Variants in EYA1 observed in about 807,000 individuals in gnomAD.
EYA1 encodes the protein EYA transcriptional coactivator and phosphatase 1.
In EYA1, 16 loss-of-function variants were observed where a neutral mutation model predicts 82.0. The ratio of observed to expected loss-of-function variants is 0.20; its 90% CI spans 0.13 to 0.30. The LOEUF is 0.30. Ranked by LOEUF, EYA1 falls within the 10% of genes least tolerant of loss-of-function variation. The probability of loss-of-function intolerance (pLI) is 1.00; values close to 1 mark genes in which losing one functional copy is unlikely to be tolerated. For synonymous variants in EYA1, 261 were observed against 264.4 expected, an observed-to-expected ratio of 0.99 and a Z score of 0.12; for missense variants, 633 against 730.7, an observed-to-expected ratio of 0.87 and a Z score of 1.54.
chr8:71,520,370 A>G (rs1813304794), intron 2 of EYA1, among the ~76,000 whole-genome samples: 1 of 152,298 alleles, frequency 6.6e-6, no homozygotes, highest in African/African-American at 2.4e-5. Flanking sequence ...ACTAACAAAC[A>G]GGGCCCCTCA....
At chr8:71,542,066 CCTTTA>C (rs1815181954) in intron 1 of EYA1, among the ~76,000 whole-genome samples, 2 of 152,212 alleles carry the variant, frequency 1.3e-5, no homozygotes, top group East Asian at 3.9e-4. Flanking sequence ...AATATCTACT[CCTTTA>C]CTTTTTTAAA....
intron 2 of EYA1, among the ~76,000 whole-genome samples, chr8:71,464,461 G>C (rs1808631787): frequency 6.6e-6 from 1 of 152,134 alleles, no homozygotes; most frequent in African/African-American, 2.4e-5. Flanking sequence ...TTCCCCATCT[G>C]TGCCACTTAC....
chr8:71,425,262 TG>T (rs1416797938), intron 2 of EYA1, among the ~76,000 whole-genome samples: 3 of 150,852 alleles, frequency 2.0e-5, no homozygotes, highest in Non-Finnish European at 2.9e-5. Context: ...CACTCCAGCC[TG>T]GGTGACAGAG....
rs768783796 is a variant in EYA1 at position 71,354,868 on chromosome 8, A to T, written c.38T>A (p.Leu13Gln). The change falls in exon 3 of 18, where the codon CTG becomes CAG. Residue 13 changes from leucine (L) to glutamine (Q), a missense_variant. Physicochemically the swap from Leu to Gln is moderately radical, Grantham distance 113. Transcript: ENST00000340726. ...ACTGGGGGATTCACTACTACCACTC[A>T]GACGGCTATGCGGGCTGGTTAGATC... ...MQDLTSPHSR[L>Q]SGSSESPSGP... The T allele has an allele frequency of 1.2e-6, 2 of 1,613,748 alleles. No individual in the cohort carries two copies. Among genetic ancestry groups the T allele is most frequent in the South Asian group, 1.1e-5 (1 of 91,086 alleles).
In EYA1 at chr8:71,429,469, G is replaced by C. The variant is rs560733933; in HGVS notation, c.34-72958C>G. 6.6e-5 allele frequency among the ~76,000 whole-genome samples: 10 copies of C among 152,116 alleles called. No individual in the cohort carries two copies. The East Asian group carries it at 1.7e-3, about 26-fold the overall frequency. ...CAAATTATAATAATATACTACATTG[G>C]TAGGCACCTTGATAATAAGAGAAAT... On this transcript the variant is annotated intron_variant, in intron 2 of 18. Coordinates refer to the EYA1 transcript ENST00000643681.
intron 1 of EYA1, among the ~76,000 whole-genome samples, chr8:71,539,421 G>A (rs755480533): frequency 1.3e-5 from 2 of 152,136 alleles, no homozygotes; most frequent in Non-Finnish European, 2.9e-5. Context: ...GTGGTAGAGC[G>A]CCTGACTGAC....
chr8:71,535,369 A>C (rs1814633290), intron 2 of EYA1, among the ~76,000 whole-genome samples: 1 of 152,226 alleles, frequency 6.6e-6, no homozygotes. Flanking sequence ...TTCATAAAAC[A>C]AATACATGTA....
intron 17 of EYA1, 106 bp downstream of exon 17, chr8:71,211,050 T>C (rs1376157828): frequency 1.3e-6 from 1 of 782,056 alleles, no homozygotes; most frequent in East Asian, 2.5e-5. Flanking sequence ...ACTGCACATA[T>C]TCATCACGTT....
chr8:71,297,416 C>T (rs1211045417), intron 9 of EYA1, among the ~76,000 whole-genome samples: 1 of 152,108 alleles, frequency 6.6e-6, no homozygotes, highest in Non-Finnish European at 1.5e-5. Context: ...ATTAAGTCTT[C>T]AACAGTTTAT....
At chr8:71,294,606 T>A (rs990686017) in intron 9 of EYA1, among the ~76,000 whole-genome samples, 1 of 152,194 alleles carries the variant, frequency 6.6e-6, no homozygotes, top group Non-Finnish European at 1.5e-5. Context: ...TATAAATAAA[T>A]GGAGAGATAT....
At chr8:71,453,114 G>A (rs1327562602) in intron 2 of EYA1, among the ~76,000 whole-genome samples, 5 of 152,208 alleles carry the variant, frequency 3.3e-5, no homozygotes, top group African/African-American at 7.2e-5. Context: ...CAAGAACTAC[G>A]TGACGAATGC....
intron 2 of EYA1, among the ~76,000 whole-genome samples, chr8:71,503,238 G>A (rs1811944080): frequency 6.6e-6 from 1 of 152,162 alleles, no homozygotes; most frequent in Non-Finnish European, 1.5e-5. Flanking sequence ...GCTCATGCCT[G>A]TAATCCAGGC....
chr8:71,306,089 C>G (rs1820711223), intron 7 of EYA1, among the ~76,000 whole-genome samples: 1 of 152,198 alleles, frequency 6.6e-6, no homozygotes, highest in Admixed American at 6.5e-5. Flanking sequence ...ACAGCTCTCA[C>G]TGTGTTACTC....
At chr8:71,395,551 A>C (rs992519053) in intron 2 of EYA1, among the ~76,000 whole-genome samples, 1 of 152,120 alleles carries the variant, frequency 6.6e-6, no homozygotes, top group Non-Finnish European at 1.5e-5. Context: ...TGAGATAATC[A>C]TGTGGTTTTT....
At chr8:71,301,701 CAGAT>C (rs1820214644) in intron 7 of EYA1, among the ~76,000 whole-genome samples, 1 of 152,154 alleles carries the variant, frequency 6.6e-6, no homozygotes, top group South Asian at 2.1e-4. Context: ...ACACCTATCT[CAGAT>C]AGGCAGAGAG....
chr8:71,346,434 ATATATATATATATATATATATC>A (rs1239651453), intron 3 of EYA1, among the ~76,000 whole-genome samples: 10 of 129,536 alleles, frequency 7.7e-5, no homozygotes, highest in African/African-American at 1.3e-4. Context: ...TGCAGTGAAT[ATATATATATATATATATATATC>A]TATATATATC....
intron 12 of EYA1, among the ~76,000 whole-genome samples, chr8:71,223,309 C>T (rs1471986596): frequency 1.3e-5 from 2 of 152,326 alleles, no homozygotes; most frequent in East Asian, 3.9e-4. Context: ...CTGCAAACCT[C>T]TGCTTTTCCA....
intron 2 of EYA1, among the ~76,000 whole-genome samples, chr8:71,470,000 C>T (rs547187168): frequency 7.6e-4 from 115 of 152,180 alleles, no homozygotes; most frequent in Non-Finnish European, 1.4e-3. Flanking sequence ...ATTCTATGAG[C>T]TATAACAGCA....
intron 2 of EYA1, among the ~76,000 whole-genome samples, chr8:71,520,820 G>A (rs530443319): frequency 2.6e-5 from 4 of 151,988 alleles, no homozygotes; most frequent in Non-Finnish European, 4.4e-5. Context: ...AAATATATGC[G>A]TGCAAAATAA....
Sources: allele counts gnomAD v4.1 joint callset (sites outside exome capture counted in the v4.1 genomes callset), GRCh38; gene constraint gnomAD v4.1.1; transcripts MANE v1.5; gene names NCBI Gene and HGNC (gene_info 2026-07-23, HGNC 2026-07-21).